The following PAF1 variants were observed in gnomAD, a reference collection of about 807,000 sequenced individuals.
The protein encoded by PAF1 is RNA polymerase II-associated factor 1 homolog.
Under a neutral mutation model 68.4 loss-of-function variants are expected in PAF1, and 31 were observed. That is an observed-to-expected ratio of 0.45 (90% confidence interval 0.34 to 0.61). The LOEUF (loss-of-function observed/expected upper bound fraction) is 0.61, where lower values mean the gene tolerates loss of function less well. Among genes scored for constraint, PAF1 ranks in the 20% least tolerant of loss-of-function variants. The pLI is 0.01. For synonymous variants in PAF1, 256 were observed against 240.5 expected, an observed-to-expected ratio of 1.06 and a Z score of -0.60; for missense variants, 435 against 692.9, an observed-to-expected ratio of 0.63 and a Z score of 4.18.
chr19:39,389,669 TTGA>T lies in PAF1; in HGVS notation c.260_262del (p.Ile87del). The stretch of plus-strand genomic sequence containing the variant: ...GGGGTCGATGCGGTAGGTGTCAGGA[TTGA>T]TGAGATCGATGGTGACCCCCAGGTC... On this transcript the variant is annotated inframe_deletion, in exon 4 of 14. Transcript: ENST00000221265. The surrounding 1 kb of genome is among the most constrained non-coding windows in gnomAD (Gnocchi z 5.3). The T allele has an allele frequency of 6.2e-7, 1 of 1,614,178 alleles. No individual in the cohort carries two copies.
In PAF1 at chr19:39,389,776, A is replaced by T; in HGVS notation, c.171-15T>A. The stretch of plus-strand genomic sequence containing the variant: ...ACTGGACGAACCTGGGTGGGGAAAC[A>T]CCTATTGTGGTGTTTGGATTCCAGC... On this transcript the variant is annotated splice_polypyrimidine_tract_variant and intron_variant, in intron 3 of 13. Transcript: ENST00000221265. The surrounding 1 kb of genome is among the most constrained non-coding windows in gnomAD (Gnocchi z 5.3). 1 of 1,613,894 alleles carries T rather than the reference A, an allele frequency of 6.2e-7. No homozygotes were observed. Among genetic ancestry groups the T allele is most frequent in the African/African-American group, 1.3e-5 (1 of 74,980 alleles).
At position 39,390,955 on chromosome 19, in the gene PAF1, G is replaced by T; in HGVS notation, c.-91C>A. 1 of 1,315,644 alleles carries T rather than the reference G, an allele frequency of 7.6e-7. No individual in the cohort carries two copies. 81.5% of individuals were successfully genotyped at this position (1,315,644 alleles called of 1,614,324 possible). On this transcript the variant is annotated 5_prime_UTR_variant, in exon 1 of 14. Transcript: ENST00000221265. ...GCCGACTTCAGGGGACGCCTGATCC[G>T]AGGAAGGCCCAGCTTGGCGCCGCTC... is the stretch of plus-strand genomic sequence containing the variant.
rs775845767 is a variant in PAF1 at position 39,386,148 on chromosome 19, T to C, written c.1439A>G (p.Asn480Ser). Residue 480 changes from asparagine (N) to serine (S), a missense_variant, in exon 14 of 14, where the codon AAT becomes AGT. By Grantham distance (46) the Asn-to-Ser change is conservative (BLOSUM62 1). Around this residue, in one of 7 missense-constraint regions of PAF1, gnomAD observed 83 missense variants for 99.9 expected, o/e 0.83. Transcript: ENST00000221265. This position sits in a 1 kb window ranked among gnomAD's most constrained non-coding sequence, Gnocchi z 6.1. ...DRGQAQGGSDNDSDSGSNGGG... is the reference protein window; with the variant it reads ...DRGQAQGGSDSDSDSGSNGGG... ...CCCATTGCTGCCGCTGTCTGAATCA[T>C]TGTCACTGCCACCTTGGGCCTGTCC... 3 of 1,614,184 alleles carry C rather than the reference T, an allele frequency of 1.9e-6. No individual in the cohort carries two copies. Among genetic ancestry groups the C allele is most frequent in the Admixed American group, 1.7e-5 (1 of 60,032 alleles).
At position 39,389,841 on chromosome 19, in the gene PAF1, T is replaced by C; in HGVS notation, c.171-80A>G. 1 of 1,582,462 alleles carries C rather than the reference T, an allele frequency of 6.3e-7. No homozygotes were observed. The highest frequency in any genetic ancestry group is 1.3e-5 in the African/African-American group (1 of 74,366). ...CCCTGCTTCCCAGAGGCGGAGCTTC[T>C]CTGGGGAGGAACTCAGAATGAAGTG... On this transcript the variant is annotated intron_variant, in intron 3 of 13. Transcript: ENST00000221265. The surrounding 1 kb of genome is among the most constrained non-coding windows in gnomAD (Gnocchi z 5.3).
At chr19:39,387,854 C>G (rs1407688431) in intron 11 of PAF1, among the ~76,000 whole-genome samples, 1 of 152,178 alleles carries the variant, frequency 6.6e-6, no homozygotes, top group African/African-American at 2.4e-5. Context: ...TTAAGATATT[C>G]TGGCTGGGCG....
Position 39,388,820 on chromosome 19 carries a change from C to A in PAF1, c.682G>T (p.Ala228Ser). Residue 228 changes from alanine (A) to serine (S), a missense_variant, in exon 9 of 14, where the codon GCC (alanine) becomes TCC (serine). By Grantham distance (99) the Ala-to-Ser change is moderately conservative. Around this residue, in one of 7 missense-constraint regions of PAF1, gnomAD observed 151 missense variants for 306.3 expected, o/e 0.49. Transcript: ENST00000221265. ...CAQVIFDSDP[A>S]PKDTSGAAAL... is the part of the protein sequence containing the mutation. ...GCTGCACCACTCGTGTCCTTGGGGG[C>A]TGGGTCTGAGTCAAAGATCACCTGA... 6.2e-7 allele frequency: 1 copy of A among 1,614,158 alleles called. No individual in the cohort carries two copies. The highest frequency in any genetic ancestry group is 1.1e-5 in the South Asian group (1 of 91,076).
Position 39,390,829 on chromosome 19 carries a change from C to T in PAF1, c.36G>A (p.Glu12=). The T allele has an allele frequency of 1.9e-6, 3 of 1,586,324 alleles. No individual in the cohort carries two copies. Among genetic ancestry groups the T allele is most frequent in the Non-Finnish European group, 2.6e-6 (3 of 1,166,074 alleles). The change falls in exon 1 of 14, where the codon GAG becomes GAA. Residue 12 remains glutamate, a synonymous_variant. Coordinates refer to ENST00000221265, the MANE Select transcript of PAF1 (RefSeq NM_019088.4). ...AGCGTGGCGCCTACCTGTGGCCATCCTCCCGCTGGGCCTGGGTCTGGATGG... is the reference window on the plus strand; with the variant it reads ...AGCGTGGCGCCTACCTGTGGCCATCTTCCCGCTGGGCCTGGGTCTGGATGG... ...APTIQTQAQR[E]DGHRPNSHRT...
chr19:39,387,431 TG>T (rs1198658259), intron 11 of PAF1, among the ~76,000 whole-genome samples: 1 of 152,226 alleles, frequency 6.6e-6, no homozygotes, highest in Non-Finnish European at 1.5e-5. Context: ...TTGGGGCTTT[TG>T]GAAGATAGGA....
chr19:39,390,409 G>A (rs549670091), intron 1 of PAF1, 120 bp from the exon 2 acceptor site: 13 of 911,520 alleles, frequency 1.4e-5, no homozygotes, highest in Non-Finnish European at 2.3e-5. Flanking sequence ...TCTTTGGGTG[G>A]TGGTGTGGGG....
At position 39,389,629 on chromosome 19, in the gene PAF1, T is replaced by C. The variant is rs1410379950; in HGVS notation, c.292+11A>G. 1.9e-6 allele frequency: 3 copies of C among 1,614,060 alleles called. No individual in the cohort carries two copies. Among genetic ancestry groups the C allele is most frequent in the Non-Finnish European group, 2.5e-6 (3 of 1,180,040 alleles). ...TGACCTAGAGCAGACCCTCCCTGTC[T>C]CCCCACACACCATTGGGGTCGATGC... On this transcript the variant is annotated intron_variant, in intron 4 of 13. Coordinates refer to ENST00000221265, the MANE Select transcript of PAF1 (RefSeq NM_019088.4). This position sits in a 1 kb window ranked among gnomAD's most constrained non-coding sequence, Gnocchi z 5.3.
chr19:39,387,078 G>A (rs763556833), intron 11 of PAF1: 1 of 532,536 alleles, frequency 1.9e-6, no homozygotes, highest in Non-Finnish European at 3.5e-6. Context: ...CCATTTAACA[G>A]GGACACATTC....
chr19:39,389,498 G>A lies in PAF1; in HGVS notation c.341C>T (p.Ala114Val). 1 of 1,614,120 alleles carries A rather than the reference G, an allele frequency of 6.2e-7. No individual in the cohort carries two copies. The highest frequency in any genetic ancestry group is 8.5e-7 in the Non-Finnish European group (1 of 1,179,990). Residue 114 changes from alanine to valine, a missense_variant, in exon 5 of 14, where the codon GCC (alanine) becomes GTC (valine). Physicochemically the swap from Ala to Val is moderately conservative, Grantham distance 64 (BLOSUM62 0). Coordinates refer to ENST00000221265, the MANE Select transcript of PAF1 (RefSeq NM_019088.4). This position sits in a 1 kb window ranked among gnomAD's most constrained non-coding sequence, Gnocchi z 5.3. ...CACTCACCTCTTGGAGCTGGTGGGG[G>A]CCTGAATCTCCTCTTCCAAAAGTTT... is the stretch of plus-strand genomic sequence containing the variant. ...DEKLLEEEIQ[A>V]PTSSKRSQQH...
rs750556137 is a variant in PAF1, at chr19:39,389,556, A to T, written c.293-10T>A. The T allele has an allele frequency of 6.2e-7, 1 of 1,614,058 alleles. No individual in the cohort carries two copies. Among genetic ancestry groups the T allele is most frequent in the Non-Finnish European group, 8.5e-7 (1 of 1,180,000 alleles). On this transcript the variant is annotated splice_polypyrimidine_tract_variant and intron_variant, in intron 4 of 13. Coordinates refer to ENST00000221265, the MANE Select transcript of PAF1 (RefSeq NM_019088.4). The surrounding 1 kb of genome is among the most constrained non-coding windows in gnomAD (Gnocchi z 5.3). ...GCTGGATCTAGAAGAACTAGAGGAG[A>T]GCGGGGGGCAGGAGGACCATGAGGG... is the stretch of plus-strand genomic sequence containing the variant.
rs758816665 is a variant in PAF1, at chr19:39,386,452, G to A, written c.1183+30C>T. On this transcript the variant is annotated intron_variant, in intron 13 of 13. Coordinates refer to ENST00000221265, the MANE Select transcript of PAF1 (RefSeq NM_019088.4). This position sits in a 1 kb window ranked among gnomAD's most constrained non-coding sequence, Gnocchi z 6.1. ...AAACCCACTTTTCCACCCTCCCAGG[G>A]CTCCCAGAGTCTGGCCTGTCCAGAT... 5 of 1,613,926 alleles carry A rather than the reference G, an allele frequency of 3.1e-6. No homozygotes were observed. In the African/African-American group the frequency reaches 6.7e-5, roughly 22 times the overall value.
chr19:39,387,559 C>G (rs1442771687), intron 11 of PAF1, among the ~76,000 whole-genome samples: 6 of 152,214 alleles, frequency 3.9e-5, no homozygotes, highest in Non-Finnish European at 7.3e-5. Context: ...CATTTCCTGC[C>G]TGGCCTATGG....
In PAF1 at chr19:39,386,755, C is replaced by T. The variant is rs2078260108; in HGVS notation, c.1031G>A (p.Gly344Asp). ...TTTGACCACAAGCAGGGCGTTGGTG[C>T]CTGACTGAACCCCAGCCTTGGCCCG... The part of the protein sequence containing the change: ...KRRAKAGVQS[G>D]TNALLVVKHR... The change falls in exon 12 of 14, where the codon GGC becomes GAC. Residue 344 changes from glycine (G) to aspartate (D), a missense_variant. Gly to Asp is a moderately conservative substitution (Grantham distance 94). Transcript: ENST00000221265. The surrounding 1 kb of genome is among the most constrained non-coding windows in gnomAD (Gnocchi z 6.1). 1 of 1,614,004 alleles carries T rather than the reference C, an allele frequency of 6.2e-7. No homozygotes were observed. Among genetic ancestry groups the T allele is most frequent in the South Asian group, 1.1e-5 (1 of 91,090 alleles).
At chr19:39,390,429 A>G (rs1254338927) in intron 1 of PAF1, 140 bp from the exon 2 acceptor site, 5 of 762,536 alleles carry the variant, frequency 6.6e-6, no homozygotes, top group Non-Finnish European at 1.1e-5. Context: ...GAGTGTCCAA[A>G]TGCTTTAATG....
Position 39,389,056 on chromosome 19 carries a change from G to A in PAF1, c.567+37C>T, listed in dbSNP as rs372198817. On this transcript the variant is annotated intron_variant, in intron 7 of 13. Transcript: ENST00000221265. The surrounding 1 kb of genome is among the most constrained non-coding windows in gnomAD (Gnocchi z 5.3). ...CAAGGTGAGGAGGAGCTCTGCAGCC[G>A]CACCCTTGCCTCTCCCCATCCCAGT... 295 of 1,610,902 alleles carry A rather than the reference G, an allele frequency of 1.8e-4. 1 individual carries two copies. The highest frequency in any genetic ancestry group is 6.7e-4 in the South Asian group (61 of 91,002).
At position 39,389,563 on chromosome 19, in the gene PAF1, G is replaced by T. The variant is rs374037765; in HGVS notation, c.293-17C>A. 1.4e-5 allele frequency: 22 copies of T among 1,614,042 alleles called. No individual in the cohort carries two copies. Among genetic ancestry groups the T allele is most frequent in the Non-Finnish European group, 1.6e-5 (19 of 1,180,014 alleles). On this transcript the variant is annotated splice_polypyrimidine_tract_variant and intron_variant, in intron 4 of 13. Coordinates refer to ENST00000221265, the MANE Select transcript of PAF1 (RefSeq NM_019088.4). The surrounding 1 kb of genome is among the most constrained non-coding windows in gnomAD (Gnocchi z 5.3). ...CTAGAAGAACTAGAGGAGAGCGGGG[G>T]GCAGGAGGACCATGAGGGAGGCCCA...
Sources: gnomAD v4.1 joint callset for allele counts (sites outside exome capture counted in the v4.1 genomes callset) on GRCh38, gnomAD v4.1.1 for gene constraint, gnomAD v4.1.1 regional missense constraint, Gnocchi (gnomAD v3.1) non-coding constraint, MANE v1.5 for transcripts, NCBI Gene and HGNC (gene_info 2026-07-23, HGNC 2026-07-21) for gene names.